PDGFC: variants seen among roughly 807,000 people sequenced by gnomAD.
PDGFC encodes platelet-derived growth factor C.
A neutral mutation model predicts 35.5 loss-of-function variants in PDGFC; 12 were observed. That is an observed-to-expected ratio of 0.34 (90% confidence interval 0.22 to 0.55). The LOEUF (loss-of-function observed/expected upper bound fraction) is 0.55. Ranked by LOEUF, PDGFC falls within the 20% of genes least tolerant of loss-of-function variation. The pLI, the probability that PDGFC is intolerant of heterozygous loss-of-function variation, is 0.91. For synonymous variants in PDGFC, 159 were observed against 148.8 expected (o/e 1.07, Z -0.50); for missense variants, 322 against 412.4 (o/e 0.78, Z 1.90).
At chr4:156,870,328 G>T (rs2111140490) in intron 1 of PDGFC, among the ~76,000 whole-genome samples, 1 of 151,956 alleles carries the variant, frequency 6.6e-6, no homozygotes, top group Admixed American at 6.5e-5. Flanking sequence ...TGCCTCCAAA[G>T]GAATTTCATC....
intron 2 of PDGFC, among the ~76,000 whole-genome samples, chr4:156,829,924 A>T (rs556088009): frequency 1.8e-4 from 27 of 152,264 alleles, no homozygotes; most frequent in African/African-American, 6.5e-4. Flanking sequence ...AATTAAGTAC[A>T]AGAGTCTCAA....
intron 2 of PDGFC, among the ~76,000 whole-genome samples, chr4:156,820,561 T>G (rs1732222226): frequency 6.6e-6 from 1 of 152,218 alleles, no homozygotes; most frequent in Non-Finnish European, 1.5e-5. Flanking sequence ...AACCAAAATA[T>G]TCACGTGATT....
At chr4:156,770,528 A>G (rs1226573552) in intron 4 of PDGFC, 1 of 152,050 alleles carries the variant, frequency 6.6e-6, no homozygotes, top group Non-Finnish European at 1.5e-5. Flanking sequence ...AAGAAAGATA[A>G]TGTACCAAAG....
At chr4:156,791,808 A>G (rs772788093) in intron 3 of PDGFC, among the ~76,000 whole-genome samples, 3 of 152,220 alleles carry the variant, frequency 2.0e-5, no homozygotes, top group Non-Finnish European at 4.4e-5. Flanking sequence ...ACAAAGATGC[A>G]TTACAAAGAC....
intron 1 of PDGFC, among the ~76,000 whole-genome samples, chr4:156,966,421 C>T (rs753194023): frequency 1.3e-4 from 20 of 151,090 alleles, no homozygotes; most frequent in Admixed American, 2.0e-4. Flanking sequence ...CAGAAACCTA[C>T]GGGGAAAATA....
At chr4:156,803,555 A>G (rs1408685739) in intron 3 of PDGFC, among the ~76,000 whole-genome samples, 1 of 152,156 alleles carries the variant, frequency 6.6e-6, no homozygotes. Context: ...ATATAAAAGC[A>G]TGTTAAATAG....
intron 5 of PDGFC, among the ~76,000 whole-genome samples, chr4:156,764,286 A>C (rs964650631): frequency 4.6e-5 from 7 of 152,236 alleles, no homozygotes; most frequent in Admixed American, 4.6e-4. Flanking sequence ...TGCATACCTC[A>C]CTGGAGTATG....
At chr4:156,774,544 G>A (rs559836439) in intron 3 of PDGFC, 4 of 152,206 alleles carry the variant, frequency 2.6e-5, no homozygotes, top group South Asian at 4.2e-4. Flanking sequence ...CACAACCCTC[G>A]TGGGGCTCCT....
chr4:156,867,511 C>G (rs1384070229), intron 1 of PDGFC, among the ~76,000 whole-genome samples: 2 of 152,166 alleles, frequency 1.3e-5, no homozygotes, highest in African/African-American at 4.8e-5. Flanking sequence ...AAGGGGTGCG[C>G]ACAGAGCTAT....
chr4:156,827,416 CA>C (rs532548640), intron 2 of PDGFC, among the ~76,000 whole-genome samples: 9,225 of 126,124 alleles, frequency 0.073, 367 homozygotes, highest in Middle Eastern at 0.14. Context: ...GACTCCATCT[CA>C]AAAAAAAAAA....
chr4:156,919,108 T>A (rs1448326690), intron 1 of PDGFC, among the ~76,000 whole-genome samples: 2 of 152,196 alleles, frequency 1.3e-5, no homozygotes. Context: ...ATATAAGCAA[T>A]ACAAGTTGGT....
intron 1 of PDGFC, among the ~76,000 whole-genome samples, chr4:156,864,667 G>A (rs771037323): frequency 3.9e-5 from 6 of 152,020 alleles, no homozygotes; most frequent in East Asian, 3.9e-4. Flanking sequence ...GGTGTGGTAC[G>A]GCAGTACAAT....
At chr4:156,957,728 A>G (rs1732245749) in intron 1 of PDGFC, among the ~76,000 whole-genome samples, 1 of 151,984 alleles carries the variant, frequency 6.6e-6, no homozygotes. Flanking sequence ...GCTCACAATA[A>G]AGCATGAAGA....
intron 1 of PDGFC, among the ~76,000 whole-genome samples, chr4:156,910,983 A>C (rs775572728): frequency 6.6e-6 from 1 of 152,058 alleles, no homozygotes; most frequent in African/African-American, 2.4e-5. Flanking sequence ...TTTTTTTCTA[A>C]ATCCATAGCT....
Position 156,789,716 on chromosome 4 carries a change from C to T in PDGFC, c.496-16823G>A, listed in dbSNP as rs555757965. ...TACTGGCCGGGTGCAGTGGCTCACA[C>T]CTGCAATCCCAGCACTTCGGGAGGC... On this transcript the variant is annotated intron_variant, in intron 3 of 5. Coordinates refer to ENST00000502773, the MANE Select transcript of PDGFC (RefSeq NM_016205.3). Among the ~76,000 whole-genome samples the T allele has an allele frequency of 4.0e-4, 61 of 152,290 alleles. 1 individual carries two copies. The highest frequency in any genetic ancestry group is 1.5e-3 in the African/African-American group (61 of 41,572).
At chr4:156,803,447 G>C (rs768223575) in intron 3 of PDGFC, among the ~76,000 whole-genome samples, 1 of 152,108 alleles carries the variant, frequency 6.6e-6, no homozygotes, top group African/African-American at 2.4e-5. Context: ...GGAAATATCT[G>C]TATGTGTGGT....
chr4:156,879,527 A>C (rs1043666559), intron 1 of PDGFC, among the ~76,000 whole-genome samples: 1 of 152,212 alleles, frequency 6.6e-6, no homozygotes, highest in African/African-American at 2.4e-5. Flanking sequence ...AACCCAAGCA[A>C]CTGGGTTTTA....
chr4:156,847,647 T>C (rs1282163323), intron 2 of PDGFC, among the ~76,000 whole-genome samples: 1 of 106,976 alleles, frequency 9.3e-6, no homozygotes, highest in African/African-American at 5.1e-5. Context: ...TTCTTAGTTA[T>C]GCAAATATGC....
At chr4:156,878,915 T>C (rs1029617334) in intron 1 of PDGFC, among the ~76,000 whole-genome samples, 3 of 152,230 alleles carry the variant, frequency 2.0e-5, no homozygotes, top group Admixed American at 6.5e-5. Context: ...GTTGACTTTA[T>C]GTGTCCAAAG....
Sources: allele counts gnomAD v4.1 joint callset (sites outside exome capture counted in the v4.1 genomes callset), GRCh38; gene constraint gnomAD v4.1.1; transcripts MANE v1.5; gene names NCBI Gene and HGNC (gene_info 2026-07-23, HGNC 2026-07-21).